The following CACNG8 variants were observed in gnomAD, a reference collection of about 807,000 sequenced individuals.
CACNG8 encodes voltage-dependent calcium channel gamma-8 subunit.
Under a neutral mutation model 26.9 loss-of-function variants are expected in CACNG8, and 5 were observed. The observed-to-expected ratio is 0.19, with a 90% confidence interval of 0.10 to 0.39. The LOEUF is 0.39. Ranked by LOEUF, CACNG8 falls within the 10% of genes least tolerant of loss-of-function variation. The pLI, the probability that CACNG8 is intolerant of heterozygous loss-of-function variation, is 1.00. For synonymous variants in CACNG8, 321 were observed against 296.7 expected, an observed-to-expected ratio of 1.08 and a Z score of -0.84; for missense variants, 473 against 609.4, an observed-to-expected ratio of 0.78 and a Z score of 2.36.
Position 53,978,130 on chromosome 19 carries a change from C to A in CACNG8, c.284-16C>A. ...TGAAGTATCCGCCCCCACCACTGCCCTCCCCGCTCCTCCAGGGTTGAAAAG... is the reference window on the plus strand; with the variant it reads ...TGAAGTATCCGCCCCCACCACTGCCATCCCCGCTCCTCCAGGGTTGAAAAG... On this transcript the variant is annotated splice_polypyrimidine_tract_variant and intron_variant, in intron 1 of 3. Coordinates refer to ENST00000270458, the MANE Select transcript of CACNG8 (RefSeq NM_031895.6). 9 of 1,603,838 alleles carry A rather than the reference C, an allele frequency of 5.6e-6. No homozygotes were observed. Among genetic ancestry groups the A allele is most frequent in the Non-Finnish European group, 6.8e-6 (8 of 1,173,418 alleles).
At chr19:53,971,788 G>A (rs973742903) in intron 1 of CACNG8, among the ~76,000 whole-genome samples, 2 of 152,198 alleles carry the variant, frequency 1.3e-5, no homozygotes, top group Non-Finnish European at 2.9e-5. Context: ...TACCCAGCAT[G>A]TGAGGGGCAG....
Position 53,982,984 on chromosome 19 carries a change from A to ACCCTCCCCGCCCCCCTCCCC in CACNG8, c.*137_*156dup. 2.3e-6 allele frequency: 1 copy of ACCCTCCCCGCCCCCCTCCCC among 428,650 alleles called. No homozygotes were observed. The highest frequency in any genetic ancestry group is 3.4e-6 in the Non-Finnish European group (1 of 290,706). The allele number at this position is 428,650 out of a possible 1,614,324, so 26.6% of individuals were successfully genotyped here. ...AGACTGCTGGGCCCGCCCCACGCCC[A>ACCCTCCCCGCCCCCCTCCCC]CCCTCCCCGCCCCCCTCCCCCTCCG... On this transcript the variant is annotated 3_prime_UTR_variant, in exon 4 of 4. Transcript: ENST00000270458. The surrounding 1 kb of genome is among the most constrained non-coding windows in gnomAD (Gnocchi z 8.4).
At chr19:53,980,812 C>A (rs1006937338) in intron 3 of CACNG8, among the ~76,000 whole-genome samples, 9 of 152,190 alleles carry the variant, frequency 5.9e-5, no homozygotes, top group Non-Finnish European at 8.8e-5. Context: ...GGCCCCCTTT[C>A]TACCCCGTAT....
rs1246740568 is a variant in CACNG8 at position 53,963,439 on chromosome 19, G to A, written c.283+14G>A. 159 of 1,431,172 alleles carry A rather than the reference G, an allele frequency of 1.1e-4. No individual in the cohort carries two copies. Among genetic ancestry groups the A allele is most frequent in the Non-Finnish European group, 1.4e-4 (153 of 1,099,052 alleles). The allele number at this position is 1,431,172 out of a possible 1,614,324, so 88.7% of individuals were successfully genotyped here. On this transcript the variant is annotated intron_variant, in intron 1 of 3. Transcript: ENST00000270458. Reference sequence around the variant, plus strand: ...GCTGCCTGGAAGGTAGGGTGCGGGCGGCCCTCCCCGCAGCCCCCGCCGCTC... The same window carrying A: ...GCTGCCTGGAAGGTAGGGTGCGGGCAGCCCTCCCCGCAGCCCCCGCCGCTC...
At chr19:53,968,254 G>A (rs1390794357) in intron 1 of CACNG8, among the ~76,000 whole-genome samples, 1 of 151,692 alleles carries the variant, frequency 6.6e-6, no homozygotes, top group African/African-American at 2.4e-5. Context: ...GCGTGCCTGT[G>A]GTCCCAGCTA....
chr19:53,974,746 A>G (rs57205720), intron 1 of CACNG8, among the ~76,000 whole-genome samples: 1,531 of 151,680 alleles, frequency 0.01, 18 homozygotes, highest in African/African-American at 0.035. Flanking sequence ...GGTTCAAGCG[A>G]TTCTCCTGCC....
chr19:53,988,266 A>G lies in CACNG8; in HGVS notation c.*5417A>G. 1 of 128,348 alleles carries G rather than the reference A, an allele frequency of 7.8e-6. No homozygotes were observed. Among genetic ancestry groups the G allele is most frequent in the South Asian group, 2.6e-4 (1 of 3,880 alleles). The allele number at this position is 128,348 out of a possible 1,614,324, so 8.0% of individuals were successfully genotyped here. On this transcript the variant is annotated 3_prime_UTR_variant, in exon 4 of 4. Transcript: ENST00000270458. The stretch of plus-strand genomic sequence containing the variant: ...GGGAAGACAGAAGGAAAGGGAATTC[A>G]GGCAAGTGTGTGTGTGTGTGTGTGT...
intron 1 of CACNG8, among the ~76,000 whole-genome samples, chr19:53,977,101 A>G (rs911043817): frequency 6.6e-6 from 1 of 152,188 alleles, no homozygotes; most frequent in Non-Finnish European, 1.5e-5. Flanking sequence ...GACGAAGAAG[A>G]TCATCTACCA....
rs2069254554 is a variant in CACNG8, at chr19:53,963,421, G to A, written c.279G>A (p.Leu93=). The A allele has an allele frequency of 1.4e-6, 2 of 1,481,120 alleles. No homozygotes were observed. Among genetic ancestry groups the A allele is most frequent in the Non-Finnish European group, 8.9e-7 (1 of 1,124,366 alleles). The allele number at this position is 1,481,120 out of a possible 1,614,324, so 91.7% of individuals were successfully genotyped here. ...CGGGCCTCTGGAGGATCTGCTGCCT[G>A]GAAGGTAGGGTGCGGGCGGCCCTCC... The change falls in exon 1 of 4, where the codon CTG becomes CTA. Residue 93 remains leucine (L), a synonymous_variant. Coordinates refer to ENST00000270458, the MANE Select transcript of CACNG8 (RefSeq NM_031895.6).
chr19:53,982,691 AAGG>A lies in CACNG8; in HGVS notation c.1124_1126del (p.Glu375del), dbSNP rs2069379938. 1 of 1,133,716 alleles carries A rather than the reference AAGG, an allele frequency of 8.8e-7. No homozygotes were observed. The highest frequency in any genetic ancestry group is 1.1e-6 in the Non-Finnish European group (1 of 930,866). 70.2% of individuals were successfully genotyped at this position (1,133,716 alleles called of 1,614,324 possible). On this transcript the variant is annotated inframe_deletion, in exon 4 of 4. Transcript: ENST00000270458. This position sits in a 1 kb window ranked among gnomAD's most constrained non-coding sequence, Gnocchi z 8.4. ...CCTCACGCTGCACAACGCCTTCCCC[AAGG>A]AGGCGGGCGGCGGCGTCACGGTCAC...
intron 1 of CACNG8, among the ~76,000 whole-genome samples, chr19:53,966,749 C>T (rs958603360): frequency 6.6e-6 from 1 of 152,100 alleles, no homozygotes; most frequent in African/African-American, 2.4e-5. Flanking sequence ...GAGATGGGAG[C>T]CGTTGAAGGT....
At chr19:53,980,657 G>T (rs563394592) in intron 3 of CACNG8, among the ~76,000 whole-genome samples, 497 of 152,278 alleles carry the variant, frequency 3.3e-3, no homozygotes, top group Non-Finnish European at 5.3e-3. Context: ...ATGTCCTTAA[G>T]GGCACAGAGA....
chr19:53,983,333 G>A lies in CACNG8; in HGVS notation c.*484G>A, dbSNP rs549867477. On this transcript the variant is annotated 3_prime_UTR_variant, in exon 4 of 4. Transcript: ENST00000270458. ...AAAGGCAGAAAGAAGGGTTGGACGCGGGCATTCATTCATTTTTTTCATTCA... is the reference window on the plus strand; with the variant it reads ...AAAGGCAGAAAGAAGGGTTGGACGCAGGCATTCATTCATTTTTTTCATTCA... The A allele has an allele frequency of 6.6e-5, 10 of 152,284 alleles. No homozygotes were observed. The highest frequency in any genetic ancestry group is 2.0e-4 in the Admixed American group (3 of 15,300). 9.4% of individuals were successfully genotyped at this position (152,284 alleles called of 1,614,324 possible).
intron 1 of CACNG8, among the ~76,000 whole-genome samples, chr19:53,968,432 T>C (rs1383790892): frequency 6.6e-6 from 1 of 151,300 alleles, no homozygotes. Context: ...AAAATGTCCT[T>C]ATGTCATTGA....
Position 53,988,088 on chromosome 19 carries a change from G to A in CACNG8, c.*5239G>A, listed in dbSNP as rs2069418402. 1 of 152,466 alleles carries A rather than the reference G, an allele frequency of 6.6e-6. No individual in the cohort carries two copies. Among genetic ancestry groups the A allele is most frequent in the South Asian group, 2.1e-4 (1 of 4,822 alleles). 9.4% of individuals were successfully genotyped at this position (152,466 alleles called of 1,614,324 possible). A position where few individuals can be genotyped will look rare whatever the true frequency, so the allele number is the denominator to read the frequency against. ...GAGGAGACAGCCAGCTGTGCCAAGG[G>A]CTGCTGAGACTTGGACAAGGATGCA... is the stretch of plus-strand genomic sequence containing the variant. On this transcript the variant is annotated 3_prime_UTR_variant, in exon 4 of 4. Transcript: ENST00000270458.
chr19:53,980,067 T>TGA, intron 3 of CACNG8, 60 bp downstream of exon 3: 1 of 1,383,226 alleles, frequency 7.2e-7, no homozygotes, highest in Non-Finnish European at 9.6e-7. Context: ...CGTGTGTGTG[T>TGA]GTGTGTGTGT....
intron 1 of CACNG8, among the ~76,000 whole-genome samples, chr19:53,969,908 G>A (rs187169073): frequency 2.0e-5 from 3 of 152,236 alleles, no homozygotes; most frequent in Middle Eastern, 3.4e-3. Flanking sequence ...GAGGCGGGTG[G>A]ATCACCTGAG....
At chr19:53,980,148 A>T (rs1484799476) in intron 3 of CACNG8, 141 bp downstream of exon 3, 9 of 905,600 alleles carry the variant, frequency 9.9e-6, no homozygotes, top group Admixed American at 3.6e-5. Context: ...TGCCCCGAGC[A>T]CCCCCGGGGG....
intron 1 of CACNG8, among the ~76,000 whole-genome samples, chr19:53,976,217 G>T (rs1281494881): frequency 1.3e-5 from 2 of 152,158 alleles, no homozygotes; most frequent in African/African-American, 4.8e-5. Context: ...AGCTGGGCAT[G>T]GTGGCGCAAG....
Sources: gnomAD v4.1 joint callset for allele counts (sites outside exome capture counted in the v4.1 genomes callset) on GRCh38, gnomAD v4.1.1 for gene constraint, Gnocchi (gnomAD v3.1) non-coding constraint, MANE v1.5 for transcripts, NCBI Gene and HGNC (gene_info 2026-07-23, HGNC 2026-07-21) for gene names.